MAPKAPK3: variants seen among roughly 807,000 people sequenced by gnomAD.
MAPKAPK3 encodes MAP kinase-activated protein kinase 3.
In MAPKAPK3, 35 loss-of-function variants were observed where a neutral mutation model predicts 49.2. The ratio of observed to expected loss-of-function variants is 0.71; its 90% CI spans 0.54 to 0.94. The LOEUF (loss-of-function observed/expected upper bound fraction) is 0.94. Ranked by LOEUF, MAPKAPK3 falls within the 40% of genes least tolerant of loss-of-function variation. The pLI, the probability that MAPKAPK3 is intolerant of heterozygous loss-of-function variation, is 0.00. For synonymous variants in MAPKAPK3, 178 were observed against 188.7 expected (o/e 0.94, Z 0.46); for missense variants, 398 against 493.1 (o/e 0.81, Z 1.83).
intron 10 of MAPKAPK3, 82 bp downstream of exon 10, chr3:50,647,285 TG>T: frequency 1.7e-6 from 2 of 1,168,112 alleles, no homozygotes; most frequent in Non-Finnish European, 1.2e-6. Context: ...ACCCAGGGTC[TG>T]GGGTCTTTGG....
chr3:50,616,224 G>A (rs75210160), upstream of MAPKAPK3, among the ~76,000 whole-genome samples: 1 of 152,200 alleles, frequency 6.6e-6, no homozygotes, highest in East Asian at 1.9e-4. Flanking sequence ...TGTGATGTGC[G>A]CAAGTAGTTC....
At chr3:50,646,859 G>A (rs1170559953) in intron 9 of MAPKAPK3, 34 bp downstream of exon 9, 6 of 1,603,732 alleles carry the variant, frequency 3.7e-6, no homozygotes, top group Non-Finnish European at 5.1e-6. Context: ...CAGGCAGGGT[G>A]TCCAACAGGA....
At position 50,617,531 on chromosome 3, in the gene MAPKAPK3, A is replaced by C; in HGVS notation, c.-35A>C. ...TCCCCCAGGTGCCACTAGAAGCGCC[A>C]GGCTGGGGCCGCCTCTGAGCGCCCC... is the stretch of plus-strand genomic sequence containing the variant. On this transcript the variant is annotated 5_prime_UTR_variant, in exon 2 of 11. Coordinates refer to ENST00000621469, the MANE Select transcript of MAPKAPK3 (RefSeq NM_001243925.2). The C allele has an allele frequency of 9.4e-7, 1 of 1,066,328 alleles. No individual in the cohort carries two copies. Among genetic ancestry groups the C allele is most frequent in the Non-Finnish European group, 1.4e-6 (1 of 708,982 alleles). 66.1% of individuals were successfully genotyped at this position (1,066,328 alleles called of 1,614,324 possible).
chr3:50,619,438 G>A (rs1480084296), intron 2 of MAPKAPK3, among the ~76,000 whole-genome samples: 1 of 152,166 alleles, frequency 6.6e-6, no homozygotes, highest in African/African-American at 2.4e-5. Context: ...AATGGGGTCG[G>A]GGAGCTTTTC....
intron 2 of MAPKAPK3, among the ~76,000 whole-genome samples, chr3:50,637,786 G>C (rs1034620696): frequency 6.6e-6 from 1 of 152,150 alleles, no homozygotes; most frequent in Non-Finnish European, 1.5e-5. Context: ...TCCCCAAAAA[G>C]AGGGAGTTGA....
chr3:50,611,833 CG>C, upstream of MAPKAPK3: 1 of 721,026 alleles, frequency 1.4e-6, no homozygotes, highest in Non-Finnish European at 2.0e-6. Context: ...ACGAGCGGGG[CG>C]GGGCGAGCTG....
intron 8 of MAPKAPK3, 77 bp downstream of exon 8, chr3:50,646,341 C>T: frequency 6.3e-7 from 1 of 1,590,972 alleles, no homozygotes; most frequent in Middle Eastern, 1.7e-4. Context: ...ACTTTGGTGT[C>T]AAACTGACCT....
chr3:50,646,077 G>A (rs145545374), intron 7 of MAPKAPK3, 63 bp from the exon 8 acceptor site: 2 of 1,572,490 alleles, frequency 1.3e-6, no homozygotes, highest in African/African-American at 1.4e-5. Context: ...GGCTTTTGAG[G>A]GGAAATGGGT....
At chr3:50,642,214 G>C (rs201468403) in intron 4 of MAPKAPK3, 39 bp from the exon 5 acceptor site, 94 of 1,394,076 alleles carry the variant, frequency 6.7e-5, no homozygotes, top group Non-Finnish European at 8.6e-5. Context: ...CTTGACCTTT[G>C]ACTGGCATCA....
chr3:50,642,199 G>A, intron 4 of MAPKAPK3, 54 bp from the exon 5 acceptor site: 1 of 1,181,460 alleles, frequency 8.5e-7, no homozygotes. Flanking sequence ...ATGATAGGGT[G>A]GGGGCTTGAC....
At chr3:50,628,044 T>C (rs1270541546) in intron 2 of MAPKAPK3, among the ~76,000 whole-genome samples, 2 of 152,174 alleles carry the variant, frequency 1.3e-5, no homozygotes, top group African/African-American at 4.8e-5. Context: ...CTAGGGCCTC[T>C]GTGCCATGCC....
chr3:50,617,757 G>T lies in MAPKAPK3; in HGVS notation c.192G>T (p.Arg64=), dbSNP rs761898324. Residue 64 remains arginine (R), a synonymous_variant, in exon 2 of 11, where the codon CGG becomes CGT. Coordinates refer to ENST00000621469, the MANE Select transcript of MAPKAPK3 (RefSeq NM_001243925.2). ...GCAAAGTGCTGGAGTGCTTCCATCG[G>T]CGCACTGGACAGAAGTGTGCCCTGA... ...VNGKVLECFH[R]RTGQKCALKL... The T allele has an allele frequency of 1.2e-6, 2 of 1,613,594 alleles. No individual in the cohort carries two copies. Among genetic ancestry groups the T allele is most frequent in the Middle Eastern group, 1.7e-4 (1 of 6,008 alleles).
At position 50,642,322 on chromosome 3, in the gene MAPKAPK3, G is replaced by T; in HGVS notation, c.494G>T (p.Arg165Leu). 1.2e-6 allele frequency: 2 copies of T among 1,612,204 alleles called. No individual in the cohort carries two copies. The highest frequency in any genetic ancestry group is 2.2e-5 in the East Asian group (1 of 44,864). ...QFLHSHNIAHRDVKPENLLYT... is the reference protein window; with the variant it reads ...QFLHSHNIAHLDVKPENLLYT... ...CTGCACAGCCATAACATTGCCCACC[G>T]AGATGTCAAGGTGAGGCTCCAGGAT... is the stretch of plus-strand genomic sequence containing the variant. Residue 165 changes from arginine (R) to leucine (L), a missense_variant, in exon 5 of 11, where the codon CGA becomes CTA. Arg to Leu is a moderately radical substitution (Grantham distance 102, BLOSUM62 -2). Coordinates refer to ENST00000621469, the MANE Select transcript of MAPKAPK3 (RefSeq NM_001243925.2).
intron 6 of MAPKAPK3, 84 bp downstream of exon 6, chr3:50,644,616 A>C: frequency 6.9e-7 from 1 of 1,442,308 alleles, no homozygotes; most frequent in Non-Finnish European, 9.5e-7. Flanking sequence ...TGCAGAAACC[A>C]AAGGGTTAAA....
chr3:50,647,815 C>A, intron 10 of MAPKAPK3, 79 bp from the exon 11 acceptor site: 1 of 1,407,644 alleles, frequency 7.1e-7, no homozygotes, highest in South Asian at 1.3e-5. Flanking sequence ...CATTAAGGGG[C>A]TGCCCAGGCA....
intron 2 of MAPKAPK3, among the ~76,000 whole-genome samples, chr3:50,625,376 G>A (rs563234154): frequency 1.1e-4 from 16 of 152,318 alleles, no homozygotes; most frequent in African/African-American, 3.4e-4. Flanking sequence ...GGCGTGAAGG[G>A]AGCTCTGGGT....
rs1318289087 is a variant in MAPKAPK3, at chr3:50,617,551, C to T, written c.-15C>T. ...GCGCCAGGCTGGGGCCGCCTCTGAG[C>T]GCCCCGCGGGGGCCATGGATGGTGA... On this transcript the variant is annotated 5_prime_UTR_variant, in exon 2 of 11. Transcript: ENST00000621469. 10 of 1,366,324 alleles carry T rather than the reference C, an allele frequency of 7.3e-6. No individual in the cohort carries two copies. In the South Asian group the frequency reaches 9.6e-5, roughly 13 times the overall value. The allele number at this position is 1,366,324 out of a possible 1,614,324, so 84.6% of individuals were successfully genotyped here. A position where few individuals can be genotyped will look rare whatever the true frequency, so the allele number is the denominator to read the frequency against.
intron 2 of MAPKAPK3, among the ~76,000 whole-genome samples, chr3:50,635,949 A>AAC (rs2033030986): frequency 1.6e-5 from 2 of 123,080 alleles, no homozygotes; most frequent in Admixed American, 1.0e-4. Context: ...AAAAAAAACC[A>AAC]AAAAAAAAAA....
chr3:50,644,312 C>A, intron 5 of MAPKAPK3, 97 bp from the exon 6 acceptor site: 1 of 1,448,100 alleles, frequency 6.9e-7, no homozygotes, highest in South Asian at 1.3e-5. Flanking sequence ...TCCTTCTGCA[C>A]TGGGATGGAG....
Sources: gnomAD v4.1 joint callset for allele counts (sites outside exome capture counted in the v4.1 genomes callset) on GRCh38, gnomAD v4.1.1 for gene constraint, MANE v1.5 for transcripts, NCBI Gene and HGNC (gene_info 2026-07-23, HGNC 2026-07-21) for gene names.